Variants in KCNC4 observed in about 807,000 individuals in gnomAD.
KCNC4 encodes potassium voltage-gated channel subfamily C member 4.
In KCNC4, 23 loss-of-function variants were observed where a neutral mutation model predicts 42.8. The observed-to-expected ratio is 0.54, with a 90% CI of 0.39 to 0.76. The LOEUF (loss-of-function observed/expected upper bound fraction) is 0.76. Ranked by LOEUF, KCNC4 falls within the 30% of genes least tolerant of loss-of-function variation. KCNC4 has a pLI of 0.00. For synonymous variants in KCNC4, 422 were observed against 393.5 expected, an observed-to-expected ratio of 1.07 and a Z score of -0.86; for missense variants, 751 against 898.2, an observed-to-expected ratio of 0.84 and a Z score of 2.10.
intron 1 of KCNC4, among the ~76,000 whole-genome samples, chr1:110,268,160 CA>C (rs1399744848): frequency 6.6e-6 from 1 of 152,188 alleles, no homozygotes; most frequent in Non-Finnish European, 1.5e-5. Context: ...GGCATTTTGG[CA>C]GACCAAGAGA....
At position 110,210,970 on chromosome 1, in the gene KCNC4, A is replaced by G. The variant is rs1431501136; in HGVS notation, c.-530A>G. ...GGCCCACGGAGCTCCGGCTGCCGTG[A>G]GAGTGTCGGCCTGGCCCCGGCAGCC... On this transcript the variant is annotated 5_prime_UTR_variant, in exon 1 of 4. It removes the in-frame stop codon of an upstream open reading frame in the 5' UTR. Transcript: ENST00000438661. 6.6e-6 allele frequency among the ~76,000 whole-genome samples: 1 copy of G among 152,070 alleles called. No homozygotes were observed. Among genetic ancestry groups the G allele is most frequent in the Non-Finnish European group, 1.5e-5 (1 of 67,998 alleles).
chr1:110,232,718 C>A, intron 3 of KCNC4, 193 bp from the exon 4 acceptor site: 1 of 1,507,562 alleles, frequency 6.6e-7, no homozygotes, highest in Non-Finnish European at 8.8e-7. Flanking sequence ...CTGGGTTCCT[C>A]ATGCCTTCCA....
chr1:110,218,706 T>C (rs755978692), intron 1 of KCNC4, among the ~76,000 whole-genome samples: 28 of 152,172 alleles, frequency 1.8e-4, no homozygotes, highest in Non-Finnish European at 3.8e-4. Flanking sequence ...AAGGAACTCA[T>C]GCAGGTCTCA....
chr1:110,253,644 T>G (rs183849086), downstream of KCNC4, among the ~76,000 whole-genome samples: 5 of 152,310 alleles, frequency 3.3e-5, no homozygotes, highest in Admixed American at 3.3e-4. Context: ...CTAGGGCTCT[T>G]TCCTCTGCTC....
intron 1 of KCNC4, among the ~76,000 whole-genome samples, chr1:110,214,908 G>A (rs1380864200): frequency 6.6e-6 from 1 of 152,136 alleles, no homozygotes. Flanking sequence ...GGAGTTCTGG[G>A]GCTGCACTTT....
intron 3 of KCNC4, among the ~76,000 whole-genome samples, chr1:110,229,970 A>G (rs573750311): frequency 1.3e-5 from 2 of 152,316 alleles, no homozygotes; most frequent in South Asian, 4.1e-4. Context: ...GTCAGCAAAG[A>G]TAGGATGGCA....
Position 110,226,083 on chromosome 1 carries a change from G to C in KCNC4, c.1724G>C (p.Arg575Pro). The C allele has an allele frequency of 6.2e-7, 1 of 1,614,080 alleles. No individual in the cohort carries two copies. Residue 575 changes from arginine to proline, a missense_variant, in exon 3 of 4, where the codon CGA becomes CCA. Physicochemically the swap from Arg to Pro is moderately radical, Grantham distance 103. Around this residue, in one of 4 missense-constraint regions of KCNC4, gnomAD observed 202 missense variants for 181.5 expected, o/e 1.11. Transcript: ENST00000438661. ...ACCCCCGAGGAGCGCCGGGCCCTGC[G>C]ACGCTCCACCACTCGAGACAGAAAC... ...SPTPEERRAL[R>P]RSTTRDRNKK...
At chr1:110,272,789 C>T (rs1450337657) in intron 1 of KCNC4, among the ~76,000 whole-genome samples, 2 of 152,170 alleles carry the variant, frequency 1.3e-5, no homozygotes, top group Non-Finnish European at 2.9e-5. Flanking sequence ...ATGCAATTTT[C>T]AAAATGATAC....
chr1:110,251,406 C>T (rs1318109960), downstream of KCNC4, among the ~76,000 whole-genome samples: 2 of 152,124 alleles, frequency 1.3e-5, no homozygotes, highest in Admixed American at 6.5e-5. Flanking sequence ...AGGGGAGTTC[C>T]CCTGCACACT....
chr1:110,253,095 C>T (rs1659272646), downstream of KCNC4, among the ~76,000 whole-genome samples: 1 of 152,188 alleles, frequency 6.6e-6, no homozygotes. Flanking sequence ...TCAGCCAACT[C>T]TCTGAAGCTG....
chr1:110,222,214 GA>G (rs751043212), intron 1 of KCNC4: 4 of 152,214 alleles, frequency 2.6e-5, no homozygotes, highest in Admixed American at 6.5e-5. Flanking sequence ...AGTCAGCGGG[GA>G]CATCCTAAGG....
rs898570374 is a variant in KCNC4, at chr1:110,210,332, C to A, written c.-1168C>A. Among the ~76,000 whole-genome samples, 2 of 151,652 alleles carry A rather than the reference C, an allele frequency of 1.3e-5. No individual in the cohort carries two copies. Among genetic ancestry groups the A allele is most frequent in the East Asian group, 1.9e-4 (1 of 5,148 alleles). The stretch of plus-strand genomic sequence containing the variant: ...AGGCGCCACTGGGGCGTGGCGGCCG[C>A]TGCCAGCGCCGGAGGGAGACCATGA... On this transcript the variant is annotated 5_prime_UTR_variant, in exon 1 of 4. The change creates a new upstream start codon in the 5' untranslated region. Transcript: ENST00000438661.
chr1:110,246,531 G>C (rs1659148831), exon 4 of KCNC4: 1 of 152,224 alleles, frequency 6.6e-6, no homozygotes, highest in Non-Finnish European at 1.5e-5. Context: ...AGAAGCTTGA[G>C]CGTGGCTTCC....
chr1:110,241,400 CCTT>C (rs1284557294), exon 4 of KCNC4: 2 of 152,114 alleles, frequency 1.3e-5, no homozygotes, highest in African/African-American at 4.8e-5. Context: ...GGACTGTTGA[CCTT>C]CTCTCAACTT....
rs918109970 is a variant in KCNC4, at chr1:110,211,233, C to G, written c.-267C>G. ...CGGGGGACCGCGTGTGTGCTTGCTT[C>G]TACTTCCCCGGGTCCTCCCTCTCTG... is the stretch of plus-strand genomic sequence containing the variant. On this transcript the variant is annotated 5_prime_UTR_variant, in exon 1 of 4. Transcript: ENST00000438661. The surrounding 1 kb of genome is among the most constrained non-coding windows in gnomAD (Gnocchi z 6.5). 7.9e-6 allele frequency: 4 copies of G among 507,862 alleles called. No homozygotes were observed. Among genetic ancestry groups the G allele is most frequent in the Non-Finnish European group, 3.5e-6 (1 of 284,792 alleles). The allele number at this position is 507,862 out of a possible 1,614,324, so 31.5% of individuals were successfully genotyped here.
chr1:110,248,798 G>A (rs1374425894), exon 4 of KCNC4: 1 of 152,212 alleles, frequency 6.6e-6, no homozygotes, highest in Non-Finnish European at 1.5e-5. Flanking sequence ...ATTAAGTAGG[G>A]ACTCAGTAAA....
At position 110,223,013 on chromosome 1, in the gene KCNC4, T is replaced by C; in HGVS notation, c.728T>C (p.Phe243Ser). ...TTCATCCTGGTCTCCATCACCACTT[T>C]CTGCCTGGAGACCCATGAGGCCTTT... ...LFFILVSITT[F>S]CLETHEAFNI... Residue 243 changes from phenylalanine to serine, a missense_variant, in exon 2 of 4, where the codon TTC becomes TCC. By Grantham distance (155) the Phe-to-Ser change is radical. Coordinates refer to ENST00000438661, the MANE Select transcript of KCNC4 (RefSeq NM_001039574.3). This position sits in a 1 kb window ranked among gnomAD's most constrained non-coding sequence, Gnocchi z 7.5. 1 of 1,614,172 alleles carries C rather than the reference T, an allele frequency of 6.2e-7. No individual in the cohort carries two copies. The highest frequency in any genetic ancestry group is 8.5e-7 in the Non-Finnish European group (1 of 1,180,038).
chr1:110,268,285 GC>G (rs543100733), intron 1 of KCNC4, among the ~76,000 whole-genome samples: 1 of 152,236 alleles, frequency 6.6e-6, no homozygotes, highest in African/African-American at 2.4e-5. Flanking sequence ...CAATTCTCCA[GC>G]CCCCTGGCTG....
rs1329948887 is a variant in KCNC4, at chr1:110,223,260, C to A, written c.975C>A (p.Phe325Leu). The A allele has an allele frequency of 6.2e-7, 1 of 1,614,132 alleles. No homozygotes were observed. The highest frequency in any genetic ancestry group is 1.3e-5 in the African/African-American group (1 of 74,950). Residue 325 changes from phenylalanine (F) to leucine (L), a missense_variant, in exon 2 of 4, where the codon TTC becomes TTA. Physicochemically the swap from Phe to Leu is conservative, Grantham distance 22. This residue lies in a region of KCNC4 where 185 missense variants were observed against 293.7 expected (regional missense o/e 0.63). Coordinates refer to ENST00000438661, the MANE Select transcript of KCNC4 (RefSeq NM_001039574.3). This position sits in a 1 kb window ranked among gnomAD's most constrained non-coding sequence, Gnocchi z 7.5. ...NIIDFVAILP[F>L]YLEVGLSGLS... ...TCGACTTTGTGGCCATCCTGCCCTT[C>A]TACCTGGAGGTGGGGCTGAGCGGCC...
Sources: allele counts gnomAD v4.1 joint callset (sites outside exome capture counted in the v4.1 genomes callset), GRCh38; gene constraint gnomAD v4.1.1; regional missense constraint gnomAD v4.1.1; non-coding constraint Gnocchi (gnomAD v3.1); transcripts MANE v1.5; gene names NCBI Gene and HGNC (gene_info 2026-07-23, HGNC 2026-07-21).